The following KCNJ3 variants were observed in gnomAD, a reference collection of about 807,000 sequenced individuals.
KCNJ3 encodes the protein potassium inwardly rectifying channel subfamily J member 3.
In KCNJ3, 4 loss-of-function variants were observed where a neutral mutation model predicts 39.2. The observed-to-expected ratio is 0.10, with a 90% CI of 0.05 to 0.23. The LOEUF is 0.23. Among genes scored for constraint, KCNJ3 ranks in the 10% least tolerant of loss-of-function variants. The pLI is 1.00. For missense variants in KCNJ3, 276 were observed against 634.9 expected (o/e 0.43, Z 6.08); for synonymous variants, 230 against 237.4 (o/e 0.97, Z 0.29).
chr2:154,853,341 C>T (rs1216694049), intron 2 of KCNJ3, among the ~76,000 whole-genome samples: 5 of 151,882 alleles, frequency 3.3e-5, no homozygotes, highest in Non-Finnish European at 5.9e-5. Context: ...AATGTGGCTT[C>T]TTATTTATGC....
chr2:154,807,847 C>T (rs1686938958), intron 2 of KCNJ3, among the ~76,000 whole-genome samples: 1 of 152,042 alleles, frequency 6.6e-6, no homozygotes, highest in African/African-American at 2.4e-5. Context: ...GTGAGGAAGG[C>T]ACCAGGGTGG....
At chr2:154,719,444 G>C (rs1424921762) in intron 2 of KCNJ3, among the ~76,000 whole-genome samples, 3 of 152,090 alleles carry the variant, frequency 2.0e-5, no homozygotes, top group African/African-American at 7.2e-5. Flanking sequence ...AGAAAACAGT[G>C]AAAATCAAGA....
At chr2:154,780,397 A>G (rs775720324) in intron 2 of KCNJ3, among the ~76,000 whole-genome samples, 2 of 152,204 alleles carry the variant, frequency 1.3e-5, no homozygotes, top group Non-Finnish European at 2.9e-5. Context: ...AGAACGATGC[A>G]ACAATTTTAA....
chr2:154,849,170 A>G (rs1687713961), intron 2 of KCNJ3, among the ~76,000 whole-genome samples: 1 of 152,100 alleles, frequency 6.6e-6, no homozygotes, highest in African/African-American at 2.4e-5. Context: ...CACCTCTAGA[A>G]AATAGGAAGG....
intron 2 of KCNJ3, among the ~76,000 whole-genome samples, chr2:154,783,338 G>A (rs1686473169): frequency 6.6e-6 from 1 of 152,162 alleles, no homozygotes; most frequent in South Asian, 2.1e-4. Context: ...TTAAAAATGA[G>A]TTTTAGTGAT....
At chr2:154,722,687 A>C (rs1685283946) in intron 2 of KCNJ3, among the ~76,000 whole-genome samples, 1 of 152,174 alleles carries the variant, frequency 6.6e-6, no homozygotes, top group Non-Finnish European at 1.5e-5. Flanking sequence ...ACATAATCAC[A>C]ATTGCACTTT....
intron 2 of KCNJ3, among the ~76,000 whole-genome samples, chr2:154,767,665 A>G (rs918404267): frequency 6.6e-6 from 1 of 152,186 alleles, no homozygotes; most frequent in Non-Finnish European, 1.5e-5. Context: ...ATGTGTCTTT[A>G]TAGCAGCATG....
rs1026564225 is a variant in KCNJ3 at position 154,745,057 on chromosome 2, C to G, written c.919+35238C>G. On this transcript the variant is annotated intron_variant, in intron 2 of 2. Transcript: ENST00000295101. ...TCTGTAATCTTTCTGTCTCTGGTTT[C>G]TAGTTTGATTCCATTGTGTTCAGGG... Among the ~76,000 whole-genome samples the G allele has an allele frequency of 7.2e-5, 11 of 151,912 alleles. No homozygotes were observed. The East Asian group carries it at 2.1e-3, about 29-fold the overall frequency.
intron 2 of KCNJ3, among the ~76,000 whole-genome samples, chr2:154,825,146 C>T (rs1687246750): frequency 6.6e-6 from 1 of 152,106 alleles, no homozygotes; most frequent in Non-Finnish European, 1.5e-5. Flanking sequence ...AGGCAGATCT[C>T]TTGGCCTGGA....
At chr2:154,717,748 A>G (rs1685204995) in intron 2 of KCNJ3, among the ~76,000 whole-genome samples, 1 of 152,222 alleles carries the variant, frequency 6.6e-6, no homozygotes, top group Non-Finnish European at 1.5e-5. Flanking sequence ...CATAAAGTAG[A>G]AGCTCCACTT....
chr2:154,832,762 C>CTT (rs1001577723), intron 2 of KCNJ3, among the ~76,000 whole-genome samples: 2 of 152,070 alleles, frequency 1.3e-5, no homozygotes, highest in Non-Finnish European at 1.5e-5. Context: ...ATAATTTTAT[C>CTT]TTTGTTCACA....
intron 2 of KCNJ3, among the ~76,000 whole-genome samples, chr2:154,763,125 G>C (rs764331247): frequency 6.6e-6 from 1 of 152,108 alleles, no homozygotes; most frequent in Admixed American, 6.6e-5. Flanking sequence ...TCACATTTCC[G>C]ACAGTCAATT....
intron 2 of KCNJ3, among the ~76,000 whole-genome samples, chr2:154,841,509 A>G (rs1377396745): frequency 6.6e-6 from 1 of 152,202 alleles, no homozygotes; most frequent in African/African-American, 2.4e-5. Flanking sequence ...AAGGAATGGT[A>G]TCAGCTCGTC....
At chr2:154,808,622 G>A (rs2105099522) in intron 2 of KCNJ3, among the ~76,000 whole-genome samples, 1 of 152,258 alleles carries the variant, frequency 6.6e-6, no homozygotes, top group East Asian at 1.9e-4. Context: ...AGGCTGGCTT[G>A]AGGTTGTTTT....
chr2:154,782,166 TAA>T lies in KCNJ3; in HGVS notation c.919+72348_919+72349del, dbSNP rs1236965787. ...AGTGAGATAGTTTAAAGAAACATTG[TAA>T]TGCGTCAGAAGAAGAATCAGGGAGC... is the stretch of plus-strand genomic sequence containing the variant. On this transcript the variant is annotated intron_variant, in intron 2 of 2. Coordinates refer to ENST00000295101, the MANE Select transcript of KCNJ3 (RefSeq NM_002239.4). Among the ~76,000 whole-genome samples, 6 of 152,294 alleles carry T rather than the reference TAA, an allele frequency of 3.9e-5. No homozygotes were observed. In the East Asian group the frequency reaches 1.2e-3, roughly 29 times the overall value.
chr2:154,746,123 G>A (rs1018437893), intron 2 of KCNJ3, among the ~76,000 whole-genome samples: 1 of 151,788 alleles, frequency 6.6e-6, no homozygotes, highest in South Asian at 2.1e-4. Context: ...TTAATGAATA[G>A]TAAATAGATT....
intron 2 of KCNJ3, among the ~76,000 whole-genome samples, chr2:154,770,632 T>C (rs1686223144): frequency 2.0e-5 from 3 of 152,126 alleles, no homozygotes; most frequent in South Asian, 4.1e-4. Flanking sequence ...ATTGTTGTTT[T>C]GGAATTTTGA....
At chr2:154,759,843 T>A (rs926446342) in intron 2 of KCNJ3, among the ~76,000 whole-genome samples, 1 of 152,188 alleles carries the variant, frequency 6.6e-6, no homozygotes, top group African/African-American at 2.4e-5. Flanking sequence ...CACTGGATAG[T>A]CTTGCATGTT....
At chr2:154,797,729 C>T (rs544480553) in intron 2 of KCNJ3, among the ~76,000 whole-genome samples, 1 of 152,144 alleles carries the variant, frequency 6.6e-6, no homozygotes, top group Admixed American at 6.5e-5. Context: ...ACATTGAGCA[C>T]ACTCTTCCTA....
Sources: gnomAD v4.1 joint callset for allele counts (sites outside exome capture counted in the v4.1 genomes callset) on GRCh38, gnomAD v4.1.1 for gene constraint, MANE v1.5 for transcripts, NCBI Gene and HGNC (gene_info 2026-07-23, HGNC 2026-07-21) for gene names.